The following CHSY3 variants were observed in gnomAD, a reference collection of about 807,000 sequenced individuals.
The protein encoded by CHSY3 is N-acetylgalactosaminyl-proteoglycan 3-beta-glucuronosyltransferase 3.
Under a neutral mutation model 67.2 loss-of-function variants are expected in CHSY3, and 35 were observed. The observed-to-expected ratio is 0.52, with a 90% CI of 0.40 to 0.69. CHSY3 has a LOEUF of 0.69. CHSY3 is among the 30% of genes least tolerant of loss of function. CHSY3 has a pLI of 0.00. For missense variants in CHSY3, 1,069 were observed against 1,138.5 expected (o/e 0.94, Z 0.88); for synonymous variants, 474 against 434.7 (o/e 1.09, Z -1.12).
At chr5:130,008,129 A>G (rs1292722895) in intron 2 of CHSY3, among the ~76,000 whole-genome samples, 1 of 152,120 alleles carries the variant, frequency 6.6e-6, no homozygotes, top group African/African-American at 2.4e-5. Flanking sequence ...GAGCATGTGT[A>G]TGTGTGGACC....
At chr5:129,967,307 A>C (rs1357632937) in intron 2 of CHSY3, among the ~76,000 whole-genome samples, 4 of 151,862 alleles carry the variant, frequency 2.6e-5, no homozygotes, top group African/African-American at 9.7e-5. Context: ...CATGTAAATA[A>C]GGACTATTTT....
intron 2 of CHSY3, among the ~76,000 whole-genome samples, chr5:129,996,425 C>T (rs1317598991): frequency 6.6e-6 from 1 of 152,166 alleles, no homozygotes; most frequent in Non-Finnish European, 1.5e-5. Context: ...GCATTTGTGC[C>T]TCTCAGAACC....
chr5:130,177,370 G>C (rs1339020974), intron 2 of CHSY3, among the ~76,000 whole-genome samples: 1 of 151,786 alleles, frequency 6.6e-6, no homozygotes, highest in Non-Finnish European at 1.5e-5. Context: ...TGCCCTTTAT[G>C]TTCCTGTTTG....
At chr5:130,005,547 T>A (rs1488935862) in intron 2 of CHSY3, among the ~76,000 whole-genome samples, 1 of 152,238 alleles carries the variant, frequency 6.6e-6, no homozygotes, top group African/African-American at 2.4e-5. Flanking sequence ...AGCTTAAGTT[T>A]ATTTTAATAG....
At chr5:130,167,161 C>T (rs575937082) in intron 2 of CHSY3, among the ~76,000 whole-genome samples, 2 of 152,042 alleles carry the variant, frequency 1.3e-5, no homozygotes, top group East Asian at 3.9e-4. Flanking sequence ...TTTTTATATA[C>T]ATACACAAAG....
At chr5:130,124,213 G>A (rs558632299) in intron 2 of CHSY3, among the ~76,000 whole-genome samples, 1 of 152,066 alleles carries the variant, frequency 6.6e-6, no homozygotes, top group African/African-American at 2.4e-5. Flanking sequence ...GTGGTTGCAG[G>A]ACAGTATCTT....
rs34781346 is a variant in CHSY3 at position 129,930,508 on chromosome 5, CGG to C, written c.1086+22157_1086+22158del. Among the ~76,000 whole-genome samples the C allele has an allele frequency of 2.9e-3, 309 of 105,322 alleles. 8 individuals are homozygous for C. Among genetic ancestry groups the C allele is most frequent in the African/African-American group, 0.011 (260 of 24,232 alleles). 69.1% of individuals were successfully genotyped at this position (105,322 alleles called of 152,430 possible). On this transcript the variant is annotated intron_variant, in intron 2 of 2. Transcript: ENST00000305031. Reference sequence around the variant, plus strand: ...GATGTTTAAAAGGAGGCATCACTGGCGGGGGGGGGGTATGAAGTTTTGCCTGG... The same window carrying C: ...GATGTTTAAAAGGAGGCATCACTGGCGGGGGGGGTATGAAGTTTTGCCTGG...
At chr5:129,943,738 T>A (rs1373695772) in intron 2 of CHSY3, among the ~76,000 whole-genome samples, 1 of 152,244 alleles carries the variant, frequency 6.6e-6, no homozygotes, top group Non-Finnish European at 1.5e-5. Flanking sequence ...TCAATAAATT[T>A]GTGAATAATT....
chr5:130,119,803 T>A (rs1411512472), intron 2 of CHSY3, among the ~76,000 whole-genome samples: 1 of 152,154 alleles, frequency 6.6e-6, no homozygotes, highest in Admixed American at 6.5e-5. Flanking sequence ...TCACTCCTCT[T>A]AATATCATTA....
At chr5:130,009,126 C>T (rs1053841253) in intron 2 of CHSY3, among the ~76,000 whole-genome samples, 75 of 152,190 alleles carry the variant, frequency 4.9e-4, no homozygotes, top group African/African-American at 1.6e-3. Context: ...CTTGCAAAAT[C>T]GTATACAAGA....
At chr5:130,109,930 TAAGC>T (rs1767538072) in intron 2 of CHSY3, among the ~76,000 whole-genome samples, 1 of 151,786 alleles carries the variant, frequency 6.6e-6, no homozygotes, top group Non-Finnish European at 1.5e-5. Flanking sequence ...GTTTGGGTAT[TAAGC>T]AAGGAAAAGA....
At chr5:130,025,309 G>T (rs1337810542) in intron 2 of CHSY3, among the ~76,000 whole-genome samples, 1 of 152,132 alleles carries the variant, frequency 6.6e-6, no homozygotes, top group Non-Finnish European at 1.5e-5. Context: ...ATCCAGCAAA[G>T]AGTGTTCTGT....
intron 2 of CHSY3, among the ~76,000 whole-genome samples, chr5:130,032,693 C>T (rs371447214): frequency 3.3e-5 from 5 of 152,202 alleles, no homozygotes; most frequent in South Asian, 4.2e-4. Flanking sequence ...GTTAGACATA[C>T]GCCTGGGAAA....
intron 2 of CHSY3, among the ~76,000 whole-genome samples, chr5:129,947,153 C>G (rs113982469): frequency 0.015 from 2,280 of 152,210 alleles, 49 homozygotes; most frequent in African/African-American, 0.051. Context: ...TTTTTCTTCA[C>G]TTGGCAGCAG....
chr5:129,981,087 G>A lies in CHSY3; in HGVS notation c.1086+72727G>A, dbSNP rs533884312. 3.6e-4 allele frequency among the ~76,000 whole-genome samples: 54 copies of A among 151,690 alleles called. 1 individual carries two copies. In the South Asian group the frequency reaches 0.011, roughly 30 times the overall value. On this transcript the variant is annotated intron_variant, in intron 2 of 2. Transcript: ENST00000305031. ...AAAAAAAAAATTAGCCGGACGTGGTGGCGGGCGCCTGTAGTCCCAGCTACT... is the reference window on the plus strand; with the variant it reads ...AAAAAAAAAATTAGCCGGACGTGGTAGCGGGCGCCTGTAGTCCCAGCTACT...
chr5:130,045,218 C>T (rs559687473), intron 2 of CHSY3, among the ~76,000 whole-genome samples: 52 of 152,184 alleles, frequency 3.4e-4, no homozygotes, highest in African/African-American at 1.3e-3. Flanking sequence ...AAACACTCAT[C>T]TTCACCTCCT....
At position 129,905,056 on chromosome 5, in the gene CHSY3, C is replaced by A. The variant is rs774905403; in HGVS notation, c.227C>A (p.Pro76Gln). The change falls in exon 1 of 3, where the codon CCG becomes CAG. Residue 76 changes from proline (P) to glutamine (Q), a missense_variant. Pro to Gln is a moderately conservative substitution (Grantham distance 76, BLOSUM62 -1). Coordinates refer to ENST00000305031, the MANE Select transcript of CHSY3 (RefSeq NM_175856.5). ...TCCCGACCACGGCAGGAGCAGTCGC[C>A]GCCCCCCGCGCGCCAGGATCTCCAG... is the stretch of plus-strand genomic sequence containing the variant. ...PQSRPRQEQS[P>Q]PPARQDLQGP... 4.5e-6 allele frequency: 7 copies of A among 1,546,662 alleles called. No homozygotes were observed. Among genetic ancestry groups the A allele is most frequent in the South Asian group, 2.4e-5 (2 of 84,564 alleles).
intron 2 of CHSY3, among the ~76,000 whole-genome samples, chr5:130,143,734 G>GTATATATATA (rs372062970): frequency 2.5e-4 from 24 of 94,652 alleles, no homozygotes; most frequent in African/African-American, 1.0e-3. Flanking sequence ...GTGTGTGTGT[G>GTATATATATA]TATATATATA....
intron 2 of CHSY3, among the ~76,000 whole-genome samples, chr5:129,985,514 T>C (rs1430364206): frequency 6.6e-6 from 1 of 152,170 alleles, no homozygotes; most frequent in African/African-American, 2.4e-5. Flanking sequence ...TGGGCTTTTT[T>C]TTTTGGTTCC....
Sources: allele counts gnomAD v4.1 joint callset (sites outside exome capture counted in the v4.1 genomes callset), GRCh38; gene constraint gnomAD v4.1.1; transcripts MANE v1.5; gene names NCBI Gene and HGNC (gene_info 2026-07-23, HGNC 2026-07-21).